Variants in ARHGEF28 observed in about 807,000 individuals in gnomAD.
ARHGEF28 encodes the protein 190 kDa guanine nucleotide exchange factor.
Under a neutral mutation model 206.6 loss-of-function variants are expected in ARHGEF28, and 152 were observed. The ratio of observed to expected loss-of-function variants is 0.74; its 90% CI spans 0.64 to 0.84. The LOEUF is 0.84. Among genes scored for constraint, ARHGEF28 ranks in the 40% least tolerant of loss-of-function variants. The probability of loss-of-function intolerance (pLI) is 0.00; values close to 1 mark genes in which losing one functional copy is unlikely to be tolerated. For missense variants in ARHGEF28, 2,028 were observed against 2,073.2 expected (o/e 0.98, Z 0.42); for synonymous variants, 763 against 776.4 (o/e 0.98, Z 0.29).
chr5:73,940,126 GT>G (rs1742505483), intron 35 of ARHGEF28, among the ~76,000 whole-genome samples: 1 of 152,216 alleles, frequency 6.6e-6, no homozygotes, highest in East Asian at 1.9e-4. Flanking sequence ...TTTGCAGCAA[GT>G]GTCTTTCTTC....
chr5:73,678,627 G>A (rs757860561), intron 1 of ARHGEF28, among the ~76,000 whole-genome samples: 55 of 152,182 alleles, frequency 3.6e-4, no homozygotes, highest in Non-Finnish European at 7.2e-4. Flanking sequence ...CCTTCTCACT[G>A]TGTAAATACA....
chr5:73,674,745 C>T (rs72770817), intron 1 of ARHGEF28, among the ~76,000 whole-genome samples: 27,594 of 152,148 alleles, frequency 0.18, 2,906 homozygotes, highest in Non-Finnish European at 0.24. Flanking sequence ...GGGCTGAAGA[C>T]TAAACTGATC....
intron 35 of ARHGEF28, among the ~76,000 whole-genome samples, chr5:73,924,036 AG>A (rs1407494487): frequency 6.6e-6 from 1 of 152,248 alleles, no homozygotes; most frequent in African/African-American, 2.4e-5. Context: ...GAATCAGACC[AG>A]ACATGTTCCT....
chr5:73,928,320 G>A (rs1185908460), intron 35 of ARHGEF28, among the ~76,000 whole-genome samples: 1 of 152,198 alleles, frequency 6.6e-6, no homozygotes, highest in East Asian at 1.9e-4. Flanking sequence ...GGAGGCTGAG[G>A]CAGGAGAATG....
intron 29 of ARHGEF28, among the ~76,000 whole-genome samples, chr5:73,897,051 T>A (rs958310030): frequency 6.6e-6 from 1 of 152,366 alleles, no homozygotes. Flanking sequence ...GCACCTTGAA[T>A]CGTCTTCCTG....
At chr5:73,741,341 ATGTG>A (rs369851573) in intron 2 of ARHGEF28, among the ~76,000 whole-genome samples, 1,872 of 65,522 alleles carry the variant, frequency 0.029, 76 homozygotes, top group East Asian at 0.054. Context: ...TTAAATTTAT[ATGTG>A]TGTGTGTGTG....
At chr5:73,893,775 G>A (rs915664443) in intron 28 of ARHGEF28, among the ~76,000 whole-genome samples, 61 of 152,174 alleles carry the variant, frequency 4.0e-4, no homozygotes, top group African/African-American at 1.4e-3. Flanking sequence ...GATTGAATCC[G>A]AATCTGTGGC....
chr5:73,823,720 A>G (rs534181735), intron 9 of ARHGEF28, among the ~76,000 whole-genome samples: 1 of 152,354 alleles, frequency 6.6e-6, no homozygotes, highest in South Asian at 2.1e-4. Flanking sequence ...ATGGAAAAAT[A>G]CCAGACATTG....
rs141319721 is a variant in ARHGEF28 at position 73,699,151 on chromosome 5, C to CTG, written c.33+14281_33+14282dup. Among the ~76,000 whole-genome samples, 283 of 150,374 alleles carry CTG rather than the reference C, an allele frequency of 1.9e-3. 1 individual carries two copies. The highest frequency in any genetic ancestry group is 6.9e-3 in the Middle Eastern group (2 of 288). On this transcript the variant is annotated intron_variant, in intron 2 of 35. Coordinates refer to ENST00000513042, the MANE Select transcript of ARHGEF28 (RefSeq NM_001177693.2). The stretch of plus-strand genomic sequence containing the variant: ...GGCAGCCCTAGTTTCTCCCCTAGAG[C>CTG]TGTGTGTGTGTGTGTATGTGTGTGT...
chr5:73,939,788 T>C (rs192870793), intron 35 of ARHGEF28, among the ~76,000 whole-genome samples: 1 of 152,362 alleles, frequency 6.6e-6, no homozygotes, highest in East Asian at 1.9e-4. Context: ...ATTTGTGTCA[T>C]TGGAATGTCT....
Position 73,857,797 on chromosome 5 carries a change from CTT to C in ARHGEF28, c.1914+19_1914+20del. On this transcript the variant is annotated intron_variant, in intron 15 of 35. Coordinates refer to ENST00000513042, the MANE Select transcript of ARHGEF28 (RefSeq NM_001177693.2). ...AATCAAAGGTAATTAAAGTGATTCACTTATTTTCTATAAAATATAGACATTTT... is the reference window on the plus strand; with the variant it reads ...AATCAAAGGTAATTAAAGTGATTCACATTTTCTATAAAATATAGACATTTT... The C allele has an allele frequency of 6.2e-7, 1 of 1,603,172 alleles. No homozygotes were observed. The highest frequency in any genetic ancestry group is 8.5e-7 in the Non-Finnish European group (1 of 1,175,488).
At chr5:73,794,320 A>G in intron 7 of ARHGEF28, 82 bp from the exon 8 acceptor site, 3 of 1,211,020 alleles carry the variant, frequency 2.5e-6, no homozygotes, top group Non-Finnish European at 3.5e-6. Context: ...TGGGCAACTC[A>G]TTTACACTTG....
In ARHGEF28 at chr5:73,883,242, A is replaced by G. The variant is rs150184173; in HGVS notation, c.2938-525A>G. 2.3e-3 allele frequency among the ~76,000 whole-genome samples: 351 copies of G among 152,228 alleles called. 1 individual carries two copies. The highest frequency in any genetic ancestry group is 8.1e-3 in the African/African-American group (336 of 41,562). On this transcript the variant is annotated intron_variant, in intron 23 of 35. Coordinates refer to ENST00000513042, the MANE Select transcript of ARHGEF28 (RefSeq NM_001177693.2). ...CCTGGATTCTAAATTTTTATCTGCC[A>G]TGTTAAGAATGCTACCAGATTCTCT...
At chr5:73,874,932 C>G (rs998613554) in intron 22 of ARHGEF28, among the ~76,000 whole-genome samples, 13 of 151,680 alleles carry the variant, frequency 8.6e-5, no homozygotes, top group Non-Finnish European at 1.3e-4. Context: ...GGGTATATAT[C>G]CAGTGATGGG....
chr5:73,741,481 A>C (rs1485056063), intron 2 of ARHGEF28, among the ~76,000 whole-genome samples: 2 of 143,632 alleles, frequency 1.4e-5, no homozygotes, highest in Non-Finnish European at 3.0e-5. Context: ...GTGCAATGAC[A>C]TGATCTTGGC....
At chr5:73,690,381 C>CT (rs1428425481) in intron 2 of ARHGEF28, among the ~76,000 whole-genome samples, 1 of 151,872 alleles carries the variant, frequency 6.6e-6, no homozygotes, top group Non-Finnish European at 1.5e-5. Context: ...CCAAGAGCTC[C>CT]TTTTTTTACA....
Position 73,867,882 on chromosome 5 carries a change from C to T in ARHGEF28, c.2159C>T (p.Ser720Leu). The T allele has an allele frequency of 6.2e-7, 1 of 1,613,990 alleles. No homozygotes were observed. Among genetic ancestry groups the T allele is most frequent in the Non-Finnish European group, 8.5e-7 (1 of 1,179,876 alleles). ...CATCTGTTCTGATTTCCAGATTCTT[C>T]ATTTAGAGACATCCCACAGCCTGGT... The part of the protein sequence containing the change: ...NKPQTILGNS[S>L]FRDIPQPGLS... Residue 720 changes from serine (S) to leucine (L), a missense_variant, in exon 19 of 36, where the codon TCA becomes TTA. Coordinates refer to ENST00000513042, the MANE Select transcript of ARHGEF28 (RefSeq NM_001177693.2).
In ARHGEF28 at chr5:73,898,037, ACT is replaced by A. The variant is rs1446063635; in HGVS notation, c.3920_3921del (p.Ser1307CysfsTer10). Reference sequence around the variant, plus strand: ...CAATCATGTGAGGACAGTTGTGGAGACTCTGTCTTGGCGGACACACTCAGTTC... The same window carrying A: ...CAATCATGTGAGGACAGTTGTGGAGACTGTCTTGGCGGACACACTCAGTTC... On this transcript the variant is annotated frameshift_variant, in exon 30 of 36. Transcript: ENST00000513042. LOFTEE classifies it high-confidence loss of function. 1.2e-6 allele frequency: 2 copies of A among 1,610,052 alleles called. No homozygotes were observed. Among genetic ancestry groups the A allele is most frequent in the Admixed American group, 1.7e-5 (1 of 59,628 alleles).
intron 6 of ARHGEF28, among the ~76,000 whole-genome samples, chr5:73,777,388 C>G: frequency 6.6e-6 from 1 of 152,072 alleles, no homozygotes; most frequent in Non-Finnish European, 1.5e-5. Flanking sequence ...GTCTATTGAA[C>G]ACACTAACCA....
Sources: gnomAD v4.1 joint callset for allele counts (sites outside exome capture counted in the v4.1 genomes callset) on GRCh38, gnomAD v4.1.1 for gene constraint, MANE v1.5 for transcripts, NCBI Gene and HGNC (gene_info 2026-07-23, HGNC 2026-07-21) for gene names.